The following KCNH5 variants were observed in gnomAD, a reference collection of about 807,000 sequenced individuals.
The protein encoded by KCNH5 is voltage-gated delayed rectifier potassium channel KCNH5.
In KCNH5, 46 loss-of-function variants were observed where a neutral mutation model predicts 96.1. The observed-to-expected ratio is 0.48, with a 90% CI of 0.38 to 0.61. The LOEUF (loss-of-function observed/expected upper bound fraction) is 0.61, where lower values mean the gene tolerates loss of function less well. Ranked by LOEUF, KCNH5 falls within the 20% of genes least tolerant of loss-of-function variation. The probability of loss-of-function intolerance (pLI) is 0.00; values close to 1 mark genes in which losing one functional copy is unlikely to be tolerated. For synonymous variants in KCNH5, 439 were observed against 449.8 expected (o/e 0.98, Z 0.30); for missense variants, 907 against 1,225.8 (o/e 0.74, Z 3.88).
chr14:62,895,533 A>C (rs141698594), intron 7 of KCNH5, among the ~76,000 whole-genome samples: 210 of 152,206 alleles, frequency 1.4e-3, no homozygotes, highest in African/African-American at 4.9e-3. Context: ...GGGTTTCACT[A>C]TGTTGTCCAG....
chr14:62,699,504 A>G lies in KCNH5; in HGVS notation c.*8004T>C, dbSNP rs975842155. 6.6e-5 allele frequency: 10 copies of G among 152,224 alleles called. No individual in the cohort carries two copies. Among genetic ancestry groups the G allele is most frequent in the African/African-American group, 2.2e-4 (9 of 41,456 alleles). The allele number at this position is 152,224 out of a possible 1,614,324, so 9.4% of individuals were successfully genotyped here. ...ATTTTATTCTGTATCATGAAAAAATATCCACATTTAAATAAAGTGTGAAAA... is the reference window on the plus strand; with the variant it reads ...ATTTTATTCTGTATCATGAAAAAATGTCCACATTTAAATAAAGTGTGAAAA... On this transcript the variant is annotated 3_prime_UTR_variant, in exon 11 of 11. Transcript: ENST00000322893.
chr14:62,882,105 A>T (rs1380584579), intron 7 of KCNH5, among the ~76,000 whole-genome samples: 1 of 57,780 alleles, frequency 1.7e-5, no homozygotes, highest in Non-Finnish European at 3.9e-5. Context: ...TTTCTTAAAA[A>T]AAAAAAAAAA....
In KCNH5 at chr14:63,006,439, G is replaced by C; in HGVS notation, c.231C>G (p.Thr77=). The C allele has an allele frequency of 6.2e-7, 1 of 1,612,080 alleles. No individual in the cohort carries two copies. Among genetic ancestry groups the C allele is most frequent in the Non-Finnish European group, 8.5e-7 (1 of 1,178,592 alleles). ...FMYGELTDKK[T]IEKVRQTFDN... is the part of the protein sequence containing the mutation. The stretch of plus-strand genomic sequence containing the variant: ...CAAAAGTTTGCCTGACTTTCTCAAT[G>C]GTCTTCTTGTCAGTCAATTCCCCAT... Residue 77 remains threonine, a synonymous_variant, in exon 3 of 11, where the codon ACC becomes ACG. Coordinates refer to ENST00000322893, the MANE Select transcript of KCNH5 (RefSeq NM_139318.5).
At chr14:62,992,617 T>G (rs901696228) in intron 4 of KCNH5, among the ~76,000 whole-genome samples, 1 of 152,150 alleles carries the variant, frequency 6.6e-6, no homozygotes, top group Admixed American at 6.6e-5. Context: ...CATTTGTATG[T>G]ATTCTTTTGA....
intron 7 of KCNH5, among the ~76,000 whole-genome samples, chr14:62,897,333 T>C (rs2140089993): frequency 6.6e-6 from 1 of 152,328 alleles, no homozygotes; most frequent in South Asian, 2.1e-4. Flanking sequence ...TATTACATTA[T>C]CTTAAGGGAA....
chr14:62,752,108 T>C (rs113118643), intron 10 of KCNH5, among the ~76,000 whole-genome samples: 5,477 of 152,232 alleles, frequency 0.036, 262 homozygotes, highest in African/African-American at 0.11. Flanking sequence ...CAAGTCCTGA[T>C]TGCCCCTTTG....
At chr14:63,003,688 C>T (rs1260887849) in intron 3 of KCNH5, among the ~76,000 whole-genome samples, 1 of 141,798 alleles carries the variant, frequency 7.1e-6, no homozygotes, top group African/African-American at 2.7e-5. Context: ...GGCACTATCT[C>T]GGCTCACTGC....
intron 2 of KCNH5, 90 bp downstream of exon 2, chr14:63,016,741 T>C (rs1050458639): frequency 6.3e-5 from 81 of 1,279,674 alleles, no homozygotes; most frequent in Non-Finnish European, 8.1e-5. Flanking sequence ...ATGGTTTGTA[T>C]ATGGGAGTCC....
At chr14:63,003,513 AT>A (rs1891056181) in intron 3 of KCNH5, among the ~76,000 whole-genome samples, 3 of 110,532 alleles carry the variant, frequency 2.7e-5, no homozygotes, top group Admixed American at 9.9e-5. Flanking sequence ...TTTTATATAT[AT>A]TTTATATATT....
chr14:62,975,253 C>A (rs1890478936), intron 6 of KCNH5, among the ~76,000 whole-genome samples: 1 of 151,998 alleles, frequency 6.6e-6, no homozygotes, highest in South Asian at 2.1e-4. Context: ...CATAAGTGAA[C>A]ATGAAATATG....
intron 7 of KCNH5, among the ~76,000 whole-genome samples, chr14:62,850,254 G>A (rs868542583): frequency 2.2e-4 from 33 of 152,126 alleles, no homozygotes; most frequent in Middle Eastern, 3.4e-3. Flanking sequence ...AATTCTTCAG[G>A]GATTGATGAT....
chr14:63,029,640 C>T (rs1891589969), intron 1 of KCNH5, among the ~76,000 whole-genome samples: 1 of 151,704 alleles, frequency 6.6e-6, no homozygotes, highest in Admixed American at 6.6e-5. Flanking sequence ...AACTAAACTA[C>T]AGAATAAAAT....
intron 10 of KCNH5, among the ~76,000 whole-genome samples, chr14:62,710,453 T>TTCCC (rs1342227800): frequency 1.3e-5 from 2 of 152,230 alleles, no homozygotes; most frequent in Non-Finnish European, 2.9e-5. Flanking sequence ...TAGGTTGTAC[T>TTCCC]AAGTCTTCAA....
At chr14:62,894,292 G>A (rs1294775687) in intron 7 of KCNH5, among the ~76,000 whole-genome samples, 1 of 152,066 alleles carries the variant, frequency 6.6e-6, no homozygotes, top group African/African-American at 2.4e-5. Context: ...CACAAAACAC[G>A]CACACAGGCA....
intron 4 of KCNH5, among the ~76,000 whole-genome samples, chr14:62,996,463 T>C (rs894668684): frequency 6.6e-6 from 1 of 152,178 alleles, no homozygotes; most frequent in African/African-American, 2.4e-5. Flanking sequence ...CCCTATAAAT[T>C]CTAATTTACA....
chr14:62,746,129 T>C (rs1405106781), intron 10 of KCNH5, among the ~76,000 whole-genome samples: 2 of 152,354 alleles, frequency 1.3e-5, no homozygotes, highest in African/African-American at 2.4e-5. Flanking sequence ...GACCTGGCTC[T>C]GCCACACACT....
At chr14:63,019,874 C>T (rs1285603847) in intron 1 of KCNH5, among the ~76,000 whole-genome samples, 2 of 152,020 alleles carry the variant, frequency 1.3e-5, no homozygotes, top group Non-Finnish European at 2.9e-5. Context: ...CAAGGACATT[C>T]TCAAGAAAAT....
chr14:62,980,019 C>T (rs947616898), intron 6 of KCNH5, among the ~76,000 whole-genome samples: 4 of 152,094 alleles, frequency 2.6e-5, no homozygotes, highest in Admixed American at 6.6e-5. Context: ...ATGCTGTTCC[C>T]GTGACAGTGA....
intron 10 of KCNH5, among the ~76,000 whole-genome samples, chr14:62,753,787 A>G (rs936632715): frequency 1.3e-5 from 2 of 152,200 alleles, no homozygotes; most frequent in Non-Finnish European, 2.9e-5. Flanking sequence ...ACTTTCCTAG[A>G]CAAGGGAAGC....
Sources: allele counts gnomAD v4.1 joint callset (sites outside exome capture counted in the v4.1 genomes callset), GRCh38; gene constraint gnomAD v4.1.1; transcripts MANE v1.5; gene names NCBI Gene and HGNC (gene_info 2026-07-23, HGNC 2026-07-21).